The following TRIO variants were observed in gnomAD, a reference collection of about 807,000 sequenced individuals.
The protein encoded by TRIO is triple functional domain protein.
TRIO carries 58 observed loss-of-function variants against 351.9 expected under a neutral mutation model. The ratio of observed to expected loss-of-function variants is 0.16; its 90% CI spans 0.13 to 0.21. TRIO has a LOEUF of 0.21. Among genes scored for constraint, TRIO ranks in the 10% least tolerant of loss-of-function variants. The pLI is 1.00. For missense variants in TRIO, 3,201 were observed against 4,027.8 expected (o/e 0.79, Z 5.56); for synonymous variants, 1,758 against 1,595.7 (o/e 1.10, Z -2.42).
At chr5:14,223,845 A>G (rs1792808582) in intron 1 of TRIO, among the ~76,000 whole-genome samples, 1 of 152,212 alleles carries the variant, frequency 6.6e-6, no homozygotes, top group African/African-American at 2.4e-5. Context: ...AAGTCGGATT[A>G]TAGAGGTACA....
intron 1 of TRIO, among the ~76,000 whole-genome samples, chr5:14,248,148 A>G (rs1041433669): frequency 2.6e-5 from 4 of 152,144 alleles, no homozygotes; most frequent in East Asian, 1.9e-4. Context: ...GGATGTTTCA[A>G]TGGGTCTTGT....
chr5:14,365,932 A>T (rs1426705967), intron 15 of TRIO, among the ~76,000 whole-genome samples: 6 of 152,156 alleles, frequency 3.9e-5, no homozygotes, highest in Non-Finnish European at 8.8e-5. Flanking sequence ...TCAGAAAAGA[A>T]ATATTTTCAC....
At chr5:14,347,834 G>C (rs375831285) in intron 11 of TRIO, among the ~76,000 whole-genome samples, 6 of 152,318 alleles carry the variant, frequency 3.9e-5, no homozygotes, top group Admixed American at 1.3e-4. Flanking sequence ...ACAAGGGCCT[G>C]TCAGATACGT....
intron 7 of TRIO, among the ~76,000 whole-genome samples, chr5:14,303,760 C>G (rs182752829): frequency 9.4e-4 from 143 of 152,236 alleles, no homozygotes; most frequent in Non-Finnish European, 1.6e-3. Flanking sequence ...CAGGGCTGTT[C>G]GCATGGCTCA....
intron 53 of TRIO, among the ~76,000 whole-genome samples, chr5:14,501,654 G>T (rs539725486): frequency 6.6e-6 from 1 of 152,360 alleles, no homozygotes. Flanking sequence ...GCTTGGATTG[G>T]ACATGGTTTA....
chr5:14,509,123 T>C lies in TRIO; in HGVS notation c.*701T>C. On this transcript the variant is annotated 3_prime_UTR_variant, in exon 57 of 57. Coordinates refer to ENST00000344204, the MANE Select transcript of TRIO (RefSeq NM_007118.4). Reference sequence around the variant, plus strand: ...GGGGTCCGAGGGTCTTCCCATCACATGAAGACATCAGGTTGGGTCCTGCCC... The same window carrying C: ...GGGGTCCGAGGGTCTTCCCATCACACGAAGACATCAGGTTGGGTCCTGCCC... The C allele has an allele frequency of 5.0e-6, 1 of 201,524 alleles. No individual in the cohort carries two copies. Among genetic ancestry groups the C allele is most frequent in the South Asian group, 6.0e-5 (1 of 16,654 alleles). 12.5% of individuals were successfully genotyped at this position (201,524 alleles called of 1,614,324 possible).
chr5:14,485,361 C>T, intron 47 of TRIO, 115 bp downstream of exon 47: 1 of 1,074,878 alleles, frequency 9.3e-7, no homozygotes, highest in Non-Finnish European at 1.3e-6. Flanking sequence ...ACTCACCACT[C>T]TTCAGGCACT....
chr5:14,321,229 A>G (rs954981761), intron 9 of TRIO, among the ~76,000 whole-genome samples: 1 of 152,210 alleles, frequency 6.6e-6, no homozygotes, highest in African/African-American at 2.4e-5. Context: ...GGCAATGGGA[A>G]TTCCAGCAAG....
chr5:14,292,761 C>G (rs933961967), intron 5 of TRIO, among the ~76,000 whole-genome samples: 3 of 152,188 alleles, frequency 2.0e-5, no homozygotes, highest in African/African-American at 7.2e-5. Flanking sequence ...TAGAGTAACT[C>G]TCTTTACTTA....
At chr5:14,380,501 C>G (rs1019240836) in intron 20 of TRIO, among the ~76,000 whole-genome samples, 2 of 151,586 alleles carry the variant, frequency 1.3e-5, no homozygotes, top group Admixed American at 1.3e-4. Context: ...GGGCGGCTGA[C>G]TCCCCTCTCT....
At chr5:14,392,135 C>T (rs935558321) in intron 27 of TRIO, among the ~76,000 whole-genome samples, 1 of 152,036 alleles carries the variant, frequency 6.6e-6, no homozygotes, top group African/African-American at 2.4e-5. Context: ...AAACTATCAT[C>T]AGAGTGAACA....
intron 1 of TRIO, among the ~76,000 whole-genome samples, chr5:14,165,976 C>T (rs1788742405): frequency 6.6e-6 from 1 of 152,216 alleles, no homozygotes; most frequent in African/African-American, 2.4e-5. Flanking sequence ...GTTTTAGCTC[C>T]TCTTTTTCTC....
At chr5:14,405,182 A>G (rs1420252325) in intron 31 of TRIO, among the ~76,000 whole-genome samples, 1 of 151,976 alleles carries the variant, frequency 6.6e-6, no homozygotes, top group Non-Finnish European at 1.5e-5. Flanking sequence ...CTCAGAGGAC[A>G]TTTCTTGAGA....
intron 11 of TRIO, among the ~76,000 whole-genome samples, chr5:14,342,906 A>G (rs1742067703): frequency 6.6e-6 from 1 of 152,136 alleles, no homozygotes; most frequent in Non-Finnish European, 1.5e-5. Flanking sequence ...ATGCTCCTCA[A>G]CTTACATGTG....
rs1462469996 is a variant in TRIO at position 14,477,064 on chromosome 5, C to T, written c.6153+101C>T. 24 of 995,266 alleles carry T rather than the reference C, an allele frequency of 2.4e-5. No individual in the cohort carries two copies. In the Middle Eastern group the frequency reaches 8.5e-4, roughly 35 times the overall value. The allele number at this position is 995,266 out of a possible 1,614,324, so 61.7% of individuals were successfully genotyped here. ...AACTCACTTATACTTTATGTAAGTGCGTATGTTTAAGATAAAATCAAACTG... is the reference window on the plus strand; with the variant it reads ...AACTCACTTATACTTTATGTAAGTGTGTATGTTTAAGATAAAATCAAACTG... On this transcript the variant is annotated intron_variant, in intron 41 of 56. Coordinates refer to ENST00000344204, the MANE Select transcript of TRIO (RefSeq NM_007118.4).
chr5:14,159,845 G>A (rs1037634409), intron 1 of TRIO, among the ~76,000 whole-genome samples: 1 of 152,146 alleles, frequency 6.6e-6, no homozygotes. Flanking sequence ...GATTACAGGC[G>A]TGAGCCACCG....
intron 1 of TRIO, among the ~76,000 whole-genome samples, chr5:14,168,968 C>T (rs758903766): frequency 2.6e-5 from 4 of 152,192 alleles, no homozygotes; most frequent in Admixed American, 6.5e-5. Flanking sequence ...GAGGCCTTGC[C>T]GACTGTCCTA....
At chr5:14,450,231 A>G (rs901333047) in intron 34 of TRIO, among the ~76,000 whole-genome samples, 1 of 152,186 alleles carries the variant, frequency 6.6e-6, no homozygotes, top group Non-Finnish European at 1.5e-5. Context: ...TTTTCATGAC[A>G]TGACTCATGA....
At chr5:14,481,170 A>T (rs2126604702) in intron 43 of TRIO, 64 bp from the exon 44 acceptor site, 2 of 1,558,558 alleles carry the variant, frequency 1.3e-6, no homozygotes, top group Non-Finnish European at 8.7e-7. Flanking sequence ...TTAAAAAAAA[A>T]AATAAAAGGT....
Sources: allele counts gnomAD v4.1 joint callset (sites outside exome capture counted in the v4.1 genomes callset), GRCh38; gene constraint gnomAD v4.1.1; transcripts MANE v1.5; gene names NCBI Gene and HGNC (gene_info 2026-07-23, HGNC 2026-07-21).